Variants in KMT2A observed in about 807,000 individuals in gnomAD.
The protein encoded by KMT2A is histone-lysine N-methyltransferase 2A.
Under a neutral mutation model 345.3 loss-of-function variants are expected in KMT2A, and 16 were observed. The observed-to-expected ratio is 0.05, with a 90% CI of 0.03 to 0.07. The LOEUF (loss-of-function observed/expected upper bound fraction) is 0.07, where lower values mean the gene tolerates loss of function less well. KMT2A is among the 10% of genes least tolerant of loss of function. The pLI is 1.00. For synonymous variants in KMT2A, 1,599 were observed against 1,778.6 expected, an observed-to-expected ratio of 0.90 and a Z score of 2.54; for missense variants, 3,272 against 4,841.6, an observed-to-expected ratio of 0.68 and a Z score of 9.62.
At chr11:118,454,143 A>G (rs1198950694) in intron 1 of KMT2A, among the ~76,000 whole-genome samples, 1 of 152,146 alleles carries the variant, frequency 6.6e-6, no homozygotes, top group Admixed American at 6.5e-5. Context: ...TTACCTCACT[A>G]AAGTTTGTTT....
At chr11:118,437,345 G>C (rs1949210754) in intron 1 of KMT2A, among the ~76,000 whole-genome samples, 3 of 151,988 alleles carry the variant, frequency 2.0e-5, no homozygotes, top group Admixed American at 2.0e-4. Context: ...TCTCTGGGCA[G>C]ATGTGTTACT....
At chr11:118,519,077 CAAAA>C (rs11443977) in intron 31 of KMT2A, among the ~76,000 whole-genome samples, 9 of 66,452 alleles carry the variant, frequency 1.4e-4, no homozygotes, top group Middle Eastern at 0.012. Context: ...GACTCCATCT[CAAAA>C]AAAAAAAAAA....
chr11:118,478,176 C>A lies in KMT2A; in HGVS notation c.3544C>A (p.Arg1182Ser), dbSNP rs2134287507. Residue 1182 changes from arginine (R) to serine (S), a missense_variant, in exon 5 of 36, where the codon CGC (arginine) becomes AGC (serine). Transcript: ENST00000534358. ...NCLDKPKFGG[R>S]NIKKQCCKMR... ...CTTAGATAAGCCCAAGTTTGGTGGT[C>A]GCAATATAAAGAAGCAGTGCTGCAA... is the stretch of plus-strand genomic sequence containing the variant. 1.2e-6 allele frequency: 2 copies of A among 1,613,778 alleles called. No individual in the cohort carries two copies. Among genetic ancestry groups the A allele is most frequent in the South Asian group, 2.2e-5 (2 of 90,984 alleles).
intron 23 of KMT2A, 28 bp downstream of exon 23, chr11:118,499,448 A>G: frequency 7.3e-7 from 1 of 1,372,960 alleles, no homozygotes; most frequent in Non-Finnish European, 1.0e-6. Flanking sequence ...TTATTGGGGA[A>G]GGCTGTATAT....
chr11:118,515,631 T>A (rs543656966), intron 31 of KMT2A, among the ~76,000 whole-genome samples: 1 of 151,074 alleles, frequency 6.6e-6, no homozygotes, highest in East Asian at 1.9e-4. Context: ...TAGGAACAAA[T>A]GGACATCTCA....
chr11:118,506,762 G>C, intron 27 of KMT2A, 116 bp downstream of exon 27: 6 of 1,119,472 alleles, frequency 5.4e-6, no homozygotes, highest in Non-Finnish European at 7.6e-6. Context: ...CATTACCTGG[G>C]AGTTTTCCGG....
At chr11:118,452,669 T>A (rs1405129743) in intron 1 of KMT2A, among the ~76,000 whole-genome samples, 6 of 151,248 alleles carry the variant, frequency 4.0e-5, no homozygotes, top group Admixed American at 4.0e-4. Flanking sequence ...AGTCTCACTC[T>A]GCTGCCCAGG....
rs1555053951 is a variant in KMT2A at position 118,522,574 on chromosome 11, C to G, written c.*402C>G. On this transcript the variant is annotated 3_prime_UTR_variant, in exon 36 of 36. Transcript: ENST00000534358. This position sits in a 1 kb window ranked among gnomAD's most constrained non-coding sequence, Gnocchi z 5.4. ...TCCCAAGCACTGTAAGTGAGTGGGTCAGGCAAAGCCCCAAATGGAGGGTTG... is the reference window on the plus strand; with the variant it reads ...TCCCAAGCACTGTAAGTGAGTGGGTGAGGCAAAGCCCCAAATGGAGGGTTG... 8.3e-6 allele frequency: 2 copies of G among 240,794 alleles called. No homozygotes were observed. Among genetic ancestry groups the G allele is most frequent in the Non-Finnish European group, 1.7e-5 (2 of 120,944 alleles). The allele number at this position is 240,794 out of a possible 1,614,324, so 14.9% of individuals were successfully genotyped here. A position where few individuals can be genotyped will look rare whatever the true frequency, so the allele number is the denominator to read the frequency against.
chr11:118,477,908 A>G, intron 4 of KMT2A, 59 bp from the exon 5 acceptor site: 1 of 1,259,238 alleles, frequency 7.9e-7, no homozygotes, highest in Non-Finnish European at 1.1e-6. Context: ...TGGAGTACCA[A>G]TTAAAACCAG....
intron 1 of KMT2A, among the ~76,000 whole-genome samples, chr11:118,438,553 G>C (rs1433697027): frequency 2.0e-5 from 3 of 152,056 alleles, no homozygotes; most frequent in Non-Finnish European, 4.4e-5. Context: ...AACAGAAAGG[G>C]AAAGATAACA....
Position 118,495,130 on chromosome 11 carries a change from T to C in KMT2A, c.5363+363T>C, listed in dbSNP as rs1950385067. 6.6e-6 allele frequency among the ~76,000 whole-genome samples: 1 copy of C among 152,012 alleles called. No individual in the cohort carries two copies. Among genetic ancestry groups the C allele is most frequent in the Non-Finnish European group, 1.5e-5 (1 of 68,004 alleles). On this transcript the variant is annotated intron_variant, in intron 18 of 35. Transcript: ENST00000534358. The surrounding 1 kb of genome is among the most constrained non-coding windows in gnomAD (Gnocchi z 4.1). ...ATGTAACCTTTAATTTTTATTCCAGTAAATTCTTTTGATTTGATTTTATTT... is the reference window on the plus strand; with the variant it reads ...ATGTAACCTTTAATTTTTATTCCAGCAAATTCTTTTGATTTGATTTTATTT...
chr11:118,489,773 C>A lies in KMT2A; in HGVS notation c.4480-19C>A. 1 of 1,606,398 alleles carries A rather than the reference C, an allele frequency of 6.2e-7. No individual in the cohort carries two copies. The highest frequency in any genetic ancestry group is 8.5e-7 in the Non-Finnish European group (1 of 1,173,184). ...AGGTAATATGATGCTTATCTTTTTG[C>A]CATTATATTTTCTTACAGCAGCTGC... On this transcript the variant is annotated intron_variant, in intron 11 of 35. Coordinates refer to ENST00000534358, the MANE Select transcript of KMT2A (RefSeq NM_001197104.2).
At position 118,491,947 on chromosome 11, in the gene KMT2A, T is replaced by C; in HGVS notation, c.5004+19T>C. 6.3e-7 allele frequency: 1 copy of C among 1,591,812 alleles called. No homozygotes were observed. The highest frequency in any genetic ancestry group is 8.6e-7 in the Non-Finnish European group (1 of 1,163,444). ...CCGGCAGGTAGGCCAAGTCTCATTT[T>C]TTTCTGAGAGCTTGTTCTTAGGTAG... On this transcript the variant is annotated intron_variant, in intron 15 of 35. Transcript: ENST00000534358. This position sits in a 1 kb window ranked among gnomAD's most constrained non-coding sequence, Gnocchi z 4.2.
rs782046856 is a variant in KMT2A, at chr11:118,505,233, C to T, written c.9341C>T (p.Thr3114Ile). 1.4e-5 allele frequency: 22 copies of T among 1,613,990 alleles called. No individual in the cohort carries two copies. Among genetic ancestry groups the T allele is most frequent in the Non-Finnish European group, 1.7e-5 (20 of 1,179,966 alleles). ...CAATTGACCTCTTCTGTTAGTTCTA[C>T]ACCCAGTGTGATGGAGACAAATACT... ...KIQLTSSVSS[T>I]PSVMETNTSV... The change falls in exon 27 of 36, where the codon ACA (threonine) becomes ATA (isoleucine). Residue 3114 changes from threonine to isoleucine, a missense_variant. By Grantham distance (89) the Thr-to-Ile change is moderately conservative. This residue lies in a region of KMT2A where 748 missense variants were observed against 922.2 expected (regional missense o/e 0.81). Transcript: ENST00000534358. The surrounding 1 kb of genome is among the most constrained non-coding windows in gnomAD (Gnocchi z 4.6).
In KMT2A at chr11:118,510,159, TG is replaced by T. The variant is rs782098738; in HGVS notation, c.11071+42del. 80 of 1,506,576 alleles carry T rather than the reference TG, an allele frequency of 5.3e-5. 1 individual carries two copies. The South Asian group carries it at 9.6e-4, about 18-fold the overall frequency. 93.3% of individuals were successfully genotyped at this position (1,506,576 alleles called of 1,614,324 possible). A position where few individuals can be genotyped will look rare whatever the true frequency, so the allele number is the denominator to read the frequency against. On this transcript the variant is annotated intron_variant, in intron 30 of 35. Coordinates refer to ENST00000534358, the MANE Select transcript of KMT2A (RefSeq NM_001197104.2). The surrounding 1 kb of genome is among the most constrained non-coding windows in gnomAD (Gnocchi z 4.1). ...CAGGTTGACCCATCAGCAGAAGCCCTGTTTCAGCTAGAGCTTCATTTTCTGA... is the reference window on the plus strand; with the variant it reads ...CAGGTTGACCCATCAGCAGAAGCCCTTTTCAGCTAGAGCTTCATTTTCTGA...
intron 1 of KMT2A, among the ~76,000 whole-genome samples, chr11:118,437,530 C>T (rs1323958972): frequency 1.3e-5 from 2 of 150,836 alleles, no homozygotes; most frequent in African/African-American, 4.9e-5. Context: ...CCTTCCTTCA[C>T]CTCCACCCTC....
At chr11:118,501,472 G>GAA (rs376694691) in intron 25 of KMT2A, among the ~76,000 whole-genome samples, 200 bp from the exon 26 acceptor site, 1 of 131,270 alleles carries the variant, frequency 7.6e-6, no homozygotes, top group Non-Finnish European at 1.7e-5. Flanking sequence ...GTGTCTCAAA[G>GAA]AAAAAAAAAA....
chr11:118,456,344 C>CT (rs879964617), intron 1 of KMT2A, among the ~76,000 whole-genome samples: 178 of 145,296 alleles, frequency 1.2e-3, no homozygotes, highest in Non-Finnish European at 1.7e-3. Context: ...AAAAATGAAC[C>CT]TTTTTTTTTT....
chr11:118,518,221 G>A (rs1324898349), intron 31 of KMT2A, among the ~76,000 whole-genome samples: 1 of 152,182 alleles, frequency 6.6e-6, no homozygotes, highest in African/African-American at 2.4e-5. Flanking sequence ...CTATTTGCTA[G>A]TGTCAAAAAG....
Sources: gnomAD v4.1 joint callset for allele counts (sites outside exome capture counted in the v4.1 genomes callset) on GRCh38, gnomAD v4.1.1 for gene constraint, gnomAD v4.1.1 regional missense constraint, Gnocchi (gnomAD v3.1) non-coding constraint, MANE v1.5 for transcripts, NCBI Gene and HGNC (gene_info 2026-07-23, HGNC 2026-07-21) for gene names.